Variants in LGALS4 observed in about 807,000 individuals in gnomAD.
LGALS4 encodes galectin 4.
LGALS4 carries 37 observed loss-of-function variants against 39.6 expected under a neutral mutation model. The observed-to-expected ratio is 0.93, with a 90% confidence interval of 0.72 to 1.23. The LOEUF (loss-of-function observed/expected upper bound fraction) is 1.23. Among genes scored for constraint, LGALS4 ranks in the 50% most tolerant of loss-of-function variants. The pLI, the probability that LGALS4 is intolerant of heterozygous loss-of-function variation, is 0.00. For synonymous variants in LGALS4, 160 were observed against 165.5 expected (o/e 0.97, Z 0.25); for missense variants, 397 against 433.2 (o/e 0.92, Z 0.74).
At chr19:38,806,634 T>A (rs763638058) in intron 3 of LGALS4, 39 bp from the exon 4 acceptor site, 3 of 1,609,422 alleles carry the variant, frequency 1.9e-6, no homozygotes, top group Non-Finnish European at 2.5e-6. Context: ...TCAGCACCCA[T>A]GATCCTGGGA....
chr19:38,805,965 G>A (rs1568351056), intron 4 of LGALS4, among the ~76,000 whole-genome samples: 2 of 152,116 alleles, frequency 1.3e-5, no homozygotes, highest in African/African-American at 2.4e-5. Context: ...CCAGCTACTT[G>A]GGAGGCTGAG....
Position 38,803,292 on chromosome 19 carries a change from C to T in LGALS4, c.570+230G>A, listed in dbSNP as rs1177035951. ...TTGGCATCCCAAAGTGCTGGGATTA[C>T]AGGCGTGAGCCACCATGTCCAGCCC... On this transcript the variant is annotated intron_variant, in intron 7 of 9. Transcript: ENST00000307751. 6.7e-6 allele frequency: 4 copies of T among 594,490 alleles called. No individual in the cohort carries two copies. The African/African-American group carries it at 7.4e-5, about 11-fold the overall frequency. 36.8% of individuals were successfully genotyped at this position (594,490 alleles called of 1,614,324 possible).
At position 38,803,807 on chromosome 19, in the gene LGALS4, G is replaced by T. The variant is rs560720174; in HGVS notation, c.502-27C>A. On this transcript the variant is annotated intron_variant, in intron 5 of 9. Transcript: ENST00000307751. ...TGAACGATGGACAGAAGGCAGGAAG[G>T]GTGAGAGGGGCTGAGGGACCCCACT... 161 of 1,613,698 alleles carry T rather than the reference G, an allele frequency of 1.0e-4. 3 individuals are homozygous for T. The South Asian group carries it at 1.6e-3, about 16-fold the overall frequency.
chr19:38,802,423 G>A lies in LGALS4; in HGVS notation c.571-19C>T, dbSNP rs778736683. ...GCACAGGCTGTGGGAAGAGAACGGG[G>A]GGTCCCATTCTCTCTCAGCTTAGCA... On this transcript the variant is annotated intron_variant, in intron 7 of 9. Transcript: ENST00000307751. The A allele has an allele frequency of 1.3e-5, 21 of 1,590,300 alleles. No homozygotes were observed. The highest frequency in any genetic ancestry group is 1.7e-5 in the Admixed American group (1 of 59,962).
chr19:38,804,786 G>C (rs1025537666), intron 4 of LGALS4, among the ~76,000 whole-genome samples: 4 of 151,596 alleles, frequency 2.6e-5, no homozygotes. Context: ...TCATGCCACT[G>C]CACTCCAACC....
intron 2 of LGALS4, among the ~76,000 whole-genome samples, chr19:38,810,924 A>G (rs1285658423): frequency 7.3e-6 from 1 of 136,580 alleles, no homozygotes; most frequent in Non-Finnish European, 1.5e-5. Flanking sequence ...TTTTTGAGAC[A>G]GAGTCTCACT....
In LGALS4 at chr19:38,808,893, A is replaced by C; in HGVS notation, c.190T>G (p.Phe64Val). Residue 64 changes from phenylalanine (F) to valine (V), a missense_variant, in exon 3 of 10, where the codon TTC (phenylalanine) becomes GTC (valine). Transcript: ENST00000307751. The part of the protein sequence containing the change: ...QDPGSDVAFH[F>V]NPRFDGWDKV... Reference sequence around the variant, plus strand: ...TCCCAGCCGTCAAACCGCGGATTGAAGTGGAAGGCGACGTCTGAGCCCGGA... The same window carrying C: ...TCCCAGCCGTCAAACCGCGGATTGACGTGGAAGGCGACGTCTGAGCCCGGA... 1.9e-6 allele frequency: 3 copies of C among 1,614,160 alleles called. No individual in the cohort carries two copies. The highest frequency in any genetic ancestry group is 2.5e-6 in the Non-Finnish European group (3 of 1,180,034).
rs556747233 is a variant in LGALS4 at position 38,802,419 on chromosome 19, CG to C, written c.571-16del. On this transcript the variant is annotated splice_polypyrimidine_tract_variant and intron_variant, in intron 7 of 9. Transcript: ENST00000307751. Reference sequence around the variant, plus strand: ...TATGGCACAGGCTGTGGGAAGAGAACGGGGGGTCCCATTCTCTCTCAGCTTA... The same window carrying C: ...TATGGCACAGGCTGTGGGAAGAGAACGGGGGTCCCATTCTCTCTCAGCTTA... The C allele has an allele frequency of 1.3e-5, 21 of 1,599,106 alleles. No homozygotes were observed. Among genetic ancestry groups the C allele is most frequent in the Middle Eastern group, 1.7e-4 (1 of 6,018 alleles).
At chr19:38,803,930 G>A in intron 4 of LGALS4, 35 bp from the exon 5 acceptor site, 1 of 1,590,208 alleles carries the variant, frequency 6.3e-7, no homozygotes, top group Non-Finnish European at 8.6e-7. Context: ...GTTATGAGAG[G>A]GTCCCCAGAT....
intron 5 of LGALS4, 37 bp from the exon 6 acceptor site, chr19:38,803,817 G>A (rs1971390716): frequency 1.2e-6 from 2 of 1,613,406 alleles, no homozygotes; most frequent in Admixed American, 1.7e-5. Flanking sequence ...GGTGAGAGGG[G>A]CTGAGGGACC....
intron 8 of LGALS4, 27 bp from the exon 9 acceptor site, chr19:38,802,184 CAGAT>C: frequency 6.2e-7 from 1 of 1,610,960 alleles, no homozygotes; most frequent in Non-Finnish European, 8.5e-7. Context: ...ATGGGGGAGT[CAGAT>C]GGAGTCCAGT....
rs568970683 is a variant in LGALS4 at position 38,807,557 on chromosome 19, G to A, written c.340-962C>T. Among the ~76,000 whole-genome samples, 7 of 151,790 alleles carry A rather than the reference G, an allele frequency of 4.6e-5. No homozygotes were observed. The South Asian group carries it at 8.4e-4, about 18-fold the overall frequency. On this transcript the variant is annotated intron_variant, in intron 3 of 9. Transcript: ENST00000307751. ...AGGTGAGGAGCGCCTCTGCCCGGCC[G>A]CCCCGTCTGGGAAGTGAGGAGCGCC...
chr19:38,808,121 AAAAT>A (rs968826130), intron 3 of LGALS4, among the ~76,000 whole-genome samples: 9 of 151,784 alleles, frequency 5.9e-5, no homozygotes, highest in Middle Eastern at 3.4e-3. Flanking sequence ...TCAATAAATA[AAAAT>A]AAATAAATAA....
chr19:38,805,185 A>AATC (rs1971408750), intron 4 of LGALS4, among the ~76,000 whole-genome samples: 1 of 148,276 alleles, frequency 6.7e-6, no homozygotes, highest in African/African-American at 2.5e-5. Context: ...TAATAATAAT[A>AATC]ATAATAATAA....
chr19:38,803,918 C>T (rs760558665), intron 4 of LGALS4, 23 bp from the exon 5 acceptor site: 19 of 1,599,102 alleles, frequency 1.2e-5, no homozygotes, highest in Admixed American at 3.5e-5. Flanking sequence ...AAAGAGAAAG[C>T]GGTTATGAGA....
At chr19:38,806,394 G>GA (rs1375615537) in intron 4 of LGALS4, 67 bp downstream of exon 4, 64 of 1,514,554 alleles carry the variant, frequency 4.2e-5, no homozygotes, top group East Asian at 1.1e-4. Flanking sequence ...AAGAAAAAAA[G>GA]AAAAAAAATG....
chr19:38,809,369 A>G (rs974189578), intron 2 of LGALS4, among the ~76,000 whole-genome samples: 75 of 151,334 alleles, frequency 5.0e-4, no homozygotes, highest in Non-Finnish European at 2.2e-4. Flanking sequence ...TAGTAGAGAC[A>G]GGGTTTCACC....
At position 38,802,369 on chromosome 19, in the gene LGALS4, G is replaced by A. The variant is rs1404424129; in HGVS notation, c.606C>T (p.Leu202=). 1.9e-6 allele frequency: 3 copies of A among 1,614,218 alleles called. No individual in the cohort carries two copies. Among genetic ancestry groups the A allele is most frequent in the Middle Eastern group, 1.6e-4 (1 of 6,062 alleles). The change falls in exon 8 of 10, where the codon CTC becomes CTT. Residue 202 remains leucine, a synonymous_variant. Transcript: ENST00000307751. ...TGATGATGATGGTTCTTCGAGCTGT[G>A]AGCCCTCCTTGCAGCCTCCCGAAAT... ...VPYFGRLQGG[L]TARRTIIIKG... is the part of the protein sequence containing the mutation.
rs1437699581 is a variant in LGALS4 at position 38,810,287 on chromosome 19, C to T, written c.135-1339G>A. Among the ~76,000 whole-genome samples, 5 of 150,250 alleles carry T rather than the reference C, an allele frequency of 3.3e-5. No homozygotes were observed. In the South Asian group the frequency reaches 8.4e-4, roughly 25 times the overall value. ...TCTCCCACATCAGGCTCTCAAGTAGCTGGGATTACAGGCACCTGTCACCAT... is the reference window on the plus strand; with the variant it reads ...TCTCCCACATCAGGCTCTCAAGTAGTTGGGATTACAGGCACCTGTCACCAT... On this transcript the variant is annotated intron_variant, in intron 2 of 9. Coordinates refer to ENST00000307751, the MANE Select transcript of LGALS4 (RefSeq NM_006149.4).
Sources: gnomAD v4.1 joint callset for allele counts (sites outside exome capture counted in the v4.1 genomes callset) on GRCh38, gnomAD v4.1.1 for gene constraint, MANE v1.5 for transcripts, NCBI Gene and HGNC (gene_info 2026-07-23, HGNC 2026-07-21) for gene names.